ARID1B: variants seen among roughly 807,000 people sequenced by gnomAD.
ARID1B encodes AT-rich interactive domain-containing protein 1B.
A neutral mutation model predicts 212.3 loss-of-function variants in ARID1B; 30 were observed. The ratio of observed to expected loss-of-function variants is 0.14; its 90% CI spans 0.11 to 0.19. The LOEUF is 0.19. ARID1B is among the 10% of genes least tolerant of loss of function. ARID1B has a pLI of 1.00. For missense variants in ARID1B, 2,891 were observed against 3,204.0 expected (o/e 0.90, Z 2.36); for synonymous variants, 1,402 against 1,301.7 (o/e 1.08, Z -1.66).
intron 4 of ARID1B, among the ~76,000 whole-genome samples, chr6:157,009,936 A>G (rs1779469292): frequency 6.6e-6 from 1 of 152,214 alleles, no homozygotes; most frequent in Non-Finnish European, 1.5e-5. Flanking sequence ...AATATAGCCA[A>G]CCTGTGTTCC....
At position 157,198,896 on chromosome 6, in the gene ARID1B, C is replaced by T. The variant is rs2128366639; in HGVS notation, c.4468C>T (p.Pro1490Ser). Residue 1490 changes from proline to serine, a missense_variant, in exon 17 of 20, where the codon CCA becomes TCA. Pro to Ser is a moderately conservative substitution (Grantham distance 74). This residue lies in a region of ARID1B where 666 missense variants were observed against 873.5 expected (regional missense o/e 0.76). Transcript: ENST00000636930. ...TGGAGGGCACCAGCCCGGCCTGTAC[C>T]CACAGCAGCCGGTGAGTTGGCAAGT... Reference protein sequence around the residue: ...PYGGHQPGLYPQQPNYKRHMD... With the variant: ...PYGGHQPGLYSQQPNYKRHMD... 4.4e-6 allele frequency: 7 copies of T among 1,602,060 alleles called. No individual in the cohort carries two copies. The highest frequency in any genetic ancestry group is 6.0e-6 in the Non-Finnish European group (7 of 1,173,738).
intron 4 of ARID1B, among the ~76,000 whole-genome samples, chr6:156,972,387 C>T (rs1375882940): frequency 1.3e-5 from 2 of 152,148 alleles, no homozygotes; most frequent in African/African-American, 2.4e-5. Flanking sequence ...GAGGGCTGGA[C>T]GAGCTGTCCA....
At chr6:157,076,624 T>G (rs960856032) in intron 4 of ARID1B, among the ~76,000 whole-genome samples, 3 of 149,402 alleles carry the variant, frequency 2.0e-5, no homozygotes, top group South Asian at 2.1e-4. Context: ...TTGTTGTGGG[T>G]TTTTTTTTAC....
chr6:157,169,135 TG>T (rs1390629430), intron 9 of ARID1B: 1 of 152,206 alleles, frequency 6.6e-6, no homozygotes, highest in Non-Finnish European at 1.5e-5. Flanking sequence ...GGGCCAGAAA[TG>T]GTGGGATCAC....
intron 4 of ARID1B, among the ~76,000 whole-genome samples, chr6:156,998,133 T>C (rs1778703494): frequency 1.3e-5 from 2 of 152,082 alleles, no homozygotes; most frequent in Admixed American, 1.3e-4. Flanking sequence ...ACTCTGAAGA[T>C]GTTCGTGATA....
chr6:156,949,913 C>T (rs377048278), intron 4 of ARID1B, among the ~76,000 whole-genome samples: 1 of 152,144 alleles, frequency 6.6e-6, no homozygotes, highest in Non-Finnish European at 1.5e-5. Flanking sequence ...GTGAAATCCT[C>T]TAGGTTTTAA....
chr6:157,137,567 A>G (rs1259977470), intron 7 of ARID1B, among the ~76,000 whole-genome samples: 1 of 152,240 alleles, frequency 6.6e-6, no homozygotes, highest in African/African-American at 2.4e-5. Context: ...CTCTAGAGGA[A>G]TGTCTATCAC....
At chr6:156,876,443 C>G (rs1025739863) in intron 2 of ARID1B, among the ~76,000 whole-genome samples, 1 of 152,188 alleles carries the variant, frequency 6.6e-6, no homozygotes, top group African/African-American at 2.4e-5. Context: ...GCCCACTCAG[C>G]CCGAGACTCA....
chr6:156,878,963 A>G (rs1049943457), intron 2 of ARID1B, among the ~76,000 whole-genome samples: 3 of 152,164 alleles, frequency 2.0e-5, no homozygotes, highest in Admixed American at 6.5e-5. Context: ...TTTTGTAAGG[A>G]GGAGGTAAGG....
intron 4 of ARID1B, among the ~76,000 whole-genome samples, chr6:157,033,119 G>A (rs532239125): frequency 1.0e-3 from 152 of 152,172 alleles, no homozygotes; most frequent in Non-Finnish European, 1.3e-3. Flanking sequence ...TAATACTTGC[G>A]TAATCATATA....
intron 4 of ARID1B, among the ~76,000 whole-genome samples, chr6:156,973,189 ATTTTAT>A: frequency 6.6e-6 from 1 of 152,332 alleles, no homozygotes; most frequent in South Asian, 2.1e-4. Context: ...TTGTACATTT[ATTTTAT>A]TTTAACAAAT....
intron 1 of ARID1B, among the ~76,000 whole-genome samples, chr6:156,794,518 GCCTGGGAGT>G (rs968017322): frequency 2.6e-5 from 4 of 151,332 alleles, no homozygotes; most frequent in Non-Finnish European, 5.9e-5. Flanking sequence ...GGCCTGGGAG[GCCTGGGAGT>G]CTGGGCGTAG....
chr6:157,140,655 G>C, intron 7 of ARID1B: 1 of 398,544 alleles, frequency 2.5e-6, no homozygotes, highest in Non-Finnish European at 4.4e-6. Flanking sequence ...CTTTCCAGAG[G>C]TCACCTGCCC....
chr6:156,957,658 A>G (rs1383455570), intron 4 of ARID1B, among the ~76,000 whole-genome samples: 2 of 152,182 alleles, frequency 1.3e-5, no homozygotes, highest in African/African-American at 2.4e-5. Context: ...TATTTAAAAT[A>G]TGTTTCTTTC....
chr6:156,788,005 C>T (rs558321907), intron 1 of ARID1B, among the ~76,000 whole-genome samples: 2 of 152,152 alleles, frequency 1.3e-5, no homozygotes, highest in Non-Finnish European at 1.5e-5. Flanking sequence ...TGGCCCCTCT[C>T]TTCTCTGCCT....
chr6:156,986,456 A>T (rs985951520), intron 4 of ARID1B, among the ~76,000 whole-genome samples: 16 of 152,226 alleles, frequency 1.1e-4, no homozygotes, highest in African/African-American at 3.9e-4. Flanking sequence ...CGGTAAAATC[A>T]TCAGCATAAG....
chr6:157,184,735 G>A (rs548718450), intron 13 of ARID1B: 6 of 428,972 alleles, frequency 1.4e-5, no homozygotes, highest in Non-Finnish European at 2.1e-5. Flanking sequence ...GCTTATACAA[G>A]TATTCAAAAA....
In ARID1B at chr6:156,862,933, G is replaced by C. The variant is rs1362540151; in HGVS notation, c.1986+33512G>C. 9.2e-5 allele frequency among the ~76,000 whole-genome samples: 14 copies of C among 152,210 alleles called. 1 individual carries two copies. Among genetic ancestry groups the C allele is most frequent in the Admixed American group, 9.2e-4 (14 of 15,286 alleles). On this transcript the variant is annotated intron_variant, in intron 2 of 19. Transcript: ENST00000636930. ...GTCATTTAAAAACAAAAGGCAGGTG[G>C]GTAGAAAGAACAGCAGAGGAGGTGG... is the stretch of plus-strand genomic sequence containing the variant.
At chr6:156,813,138 A>C (rs1318905475) in intron 1 of ARID1B, among the ~76,000 whole-genome samples, 1 of 144,014 alleles carries the variant, frequency 6.9e-6, no homozygotes. Context: ...GGAGTCTCGC[A>C]CTGTTGCCAG....
Sources: gnomAD v4.1 joint callset for allele counts (sites outside exome capture counted in the v4.1 genomes callset) on GRCh38, gnomAD v4.1.1 for gene constraint, gnomAD v4.1.1 regional missense constraint, MANE v1.5 for transcripts, NCBI Gene and HGNC (gene_info 2026-07-23, HGNC 2026-07-21) for gene names.